The following RFC1 variants were observed in gnomAD, a reference collection of about 807,000 sequenced individuals.
RFC1 encodes A1 140 kDa subunit.
RFC1 carries 37 observed loss-of-function variants against 137.4 expected under a neutral mutation model. That is an observed-to-expected ratio of 0.27 (90% CI 0.21 to 0.35). RFC1 has a LOEUF of 0.35. Among genes scored for constraint, RFC1 ranks in the 10% least tolerant of loss-of-function variants. The pLI is 1.00. For missense variants in RFC1, 1,205 were observed against 1,358.5 expected, an observed-to-expected ratio of 0.89 and a Z score of 1.78; for synonymous variants, 429 against 455.7, an observed-to-expected ratio of 0.94 and a Z score of 0.75.
chr4:39,353,109 A>C (rs1007858563), intron 1 of RFC1, among the ~76,000 whole-genome samples: 2 of 152,118 alleles, frequency 1.3e-5, no homozygotes, highest in Non-Finnish European at 2.9e-5. Flanking sequence ...ATGTTAAATA[A>C]TTTTTTTAAG....
chr4:39,335,229 A>T (rs17334825), intron 4 of RFC1, among the ~76,000 whole-genome samples: 2,244 of 152,352 alleles, frequency 0.015, 52 homozygotes, highest in African/African-American at 0.051. Flanking sequence ...TCCTTGAGTC[A>T]AAAATCTAAA....
intron 1 of RFC1, chr4:39,365,456 C>T: frequency 1.0e-6 from 1 of 984,870 alleles, no homozygotes; most frequent in Non-Finnish European, 1.2e-6. Context: ...ATATCCATTG[C>T]CATACCATCA....
At chr4:39,359,691 G>A (rs577928354) in intron 1 of RFC1, among the ~76,000 whole-genome samples, 144 of 152,014 alleles carry the variant, frequency 9.5e-4, no homozygotes, top group Admixed American at 3.0e-3. Flanking sequence ...GCATGGTGGC[G>A]GGCGCCTGTA....
At chr4:39,302,226 C>A in intron 19 of RFC1, 52 bp downstream of exon 19, 1 of 1,113,570 alleles carries the variant, frequency 9.0e-7, no homozygotes, top group South Asian at 1.2e-5. Flanking sequence ...ACCTACAGAA[C>A]AAGAAGTGTT....
chr4:39,358,201 G>A (rs1241168063), intron 1 of RFC1, among the ~76,000 whole-genome samples: 2 of 151,998 alleles, frequency 1.3e-5, no homozygotes, highest in African/African-American at 4.8e-5. Flanking sequence ...CTTCAACCTG[G>A]GAGGCAGAGG....
chr4:39,324,749 T>G (rs937602909), intron 6 of RFC1, among the ~76,000 whole-genome samples: 2 of 152,120 alleles, frequency 1.3e-5, no homozygotes, highest in Non-Finnish European at 2.9e-5. Context: ...GAGGGGACCT[T>G]AGAGCCTATA....
chr4:39,298,163 G>A (rs987724917), intron 21 of RFC1, among the ~76,000 whole-genome samples: 1 of 152,076 alleles, frequency 6.6e-6, no homozygotes, highest in African/African-American at 2.4e-5. Flanking sequence ...ACAAAAATTA[G>A]CTGGCATGAT....
chr4:39,306,700 T>C lies in RFC1; in HGVS notation c.1887A>G (p.Ala629=), dbSNP rs771740865. 2.4e-5 allele frequency: 39 copies of C among 1,604,638 alleles called. No individual in the cohort carries two copies. Among genetic ancestry groups the C allele is most frequent in the Middle Eastern group, 3.3e-4 (2 of 6,062 alleles). Residue 629 remains alanine (A), a splice_region_variant and synonymous_variant, in exon 14 of 25, where the codon GCA becomes GCG. Transcript: ENST00000349703. ...CTTTGCCGGAAAATTTACCAAACTT[T>C]GCTGCTAGGAAAAAAGAAGTTCCAG... ...QKSSSEDKKH[A]KFGKFSGKDD...
intron 1 of RFC1, among the ~76,000 whole-genome samples, chr4:39,356,765 G>A (rs1459541759): frequency 6.6e-6 from 1 of 152,026 alleles, no homozygotes; most frequent in Admixed American, 6.6e-5. Context: ...TTTATTTTAA[G>A]TCAAACTAAT....
At chr4:39,300,439 A>G (rs1407370989) in intron 19 of RFC1, 25 bp from the exon 20 acceptor site, 17 of 1,595,000 alleles carry the variant, frequency 1.1e-5, no homozygotes, top group Non-Finnish European at 1.5e-5. Context: ...GGACACACCT[A>G]TTAGAATGGC....
intron 21 of RFC1, among the ~76,000 whole-genome samples, chr4:39,298,774 C>A (rs923371057): frequency 6.6e-6 from 1 of 152,202 alleles, no homozygotes; most frequent in African/African-American, 2.4e-5. Context: ...TCTAACATTC[C>A]TATTTCTATG....
At chr4:39,327,192 T>G (rs1454851361) in intron 5 of RFC1, among the ~76,000 whole-genome samples, 1 of 152,190 alleles carries the variant, frequency 6.6e-6, no homozygotes, top group Non-Finnish European at 1.5e-5. Flanking sequence ...TATTATCTCA[T>G]TTGGAAACAA....
intron 1 of RFC1, among the ~76,000 whole-genome samples, chr4:39,364,100 A>AAAGAAG (rs1257152123): frequency 7.4e-6 from 1 of 135,172 alleles, no homozygotes; most frequent in Non-Finnish European, 1.6e-5. Flanking sequence ...AAAAAAAAAA[A>AAAGAAG]AAGAAGAAGA....
intron 2 of RFC1, among the ~76,000 whole-genome samples, chr4:39,349,518 C>T (rs972078491): frequency 1.3e-5 from 2 of 152,106 alleles, no homozygotes; most frequent in Non-Finnish European, 2.9e-5. Flanking sequence ...GAGGACAACA[C>T]GAGAAGGCAG....
chr4:39,314,416 A>T (rs1002041696), intron 10 of RFC1, among the ~76,000 whole-genome samples: 5 of 152,242 alleles, frequency 3.3e-5, no homozygotes, highest in African/African-American at 1.2e-4. Flanking sequence ...TTACTTATCC[A>T]ATCTTAGCAC....
chr4:39,311,785 T>C (rs570026265), intron 11 of RFC1, among the ~76,000 whole-genome samples: 1 of 152,314 alleles, frequency 6.6e-6, no homozygotes, highest in African/African-American at 2.4e-5. Context: ...GCATGGGAAG[T>C]GGTCCATTTC....
chr4:39,314,914 T>C (rs929481427), intron 10 of RFC1, among the ~76,000 whole-genome samples: 10 of 152,172 alleles, frequency 6.6e-5, no homozygotes, highest in Admixed American at 6.5e-4. Flanking sequence ...TCTCCCTTTC[T>C]GGTAGGATCT....
In RFC1 at chr4:39,306,668, C is replaced by A. The variant is rs374867437; in HGVS notation, c.1919G>T (p.Gly640Val). Residue 640 changes from glycine to valine, a missense_variant, in exon 14 of 25, where the codon GGC (glycine) becomes GTC (valine). By Grantham distance (109) the Gly-to-Val change is moderately radical. Transcript: ENST00000349703. Reference sequence around the variant, plus strand: ...CAGCAACGCTGCTTTAAAACTAGAGCCATCATCTTTGCCGGAAAATTTACC... The same window carrying A: ...CAGCAACGCTGCTTTAAAACTAGAGACATCATCTTTGCCGGAAAATTTACC... ...KFGKFSGKDD[G>V]SSFKAALLSG... 2 of 1,613,686 alleles carry A rather than the reference C, an allele frequency of 1.2e-6. No homozygotes were observed. The highest frequency in any genetic ancestry group is 2.7e-5 in the African/African-American group (2 of 74,886).
At chr4:39,348,124 G>A (rs1740950697) in intron 2 of RFC1, among the ~76,000 whole-genome samples, 1 of 152,012 alleles carries the variant, frequency 6.6e-6, no homozygotes. Flanking sequence ...CCGTATTTCA[G>A]AAAATGAAAA....
Sources: allele counts gnomAD v4.1 joint callset (sites outside exome capture counted in the v4.1 genomes callset), GRCh38; gene constraint gnomAD v4.1.1; transcripts MANE v1.5; gene names NCBI Gene and HGNC (gene_info 2026-07-23, HGNC 2026-07-21).